Variants in CLNK observed in about 807,000 individuals in gnomAD.
CLNK encodes the protein cytokine dependent hematopoietic cell linker.
CLNK carries 74 observed loss-of-function variants against 68.6 expected under a neutral mutation model. The observed-to-expected ratio is 1.08, with a 90% CI of 0.89 to 1.31. The LOEUF is 1.31. Among genes scored for constraint, CLNK ranks in the 50% most tolerant of loss-of-function variants. CLNK has a pLI of 0.00. For missense variants in CLNK, 553 were observed against 515.3 expected (o/e 1.07, Z -0.71); for synonymous variants, 198 against 172.2 (o/e 1.15, Z -1.17).
intron 2 of CLNK, among the ~76,000 whole-genome samples, chr4:10,638,723 CT>C (rs750788396): frequency 7.2e-5 from 11 of 152,166 alleles, no homozygotes; most frequent in Non-Finnish European, 1.3e-4. Flanking sequence ...TATTAGTTTG[CT>C]TGGGCTTGCC....
In CLNK at chr4:10,501,430, C is replaced by T; in HGVS notation, c.985-19G>A. The stretch of plus-strand genomic sequence containing the variant: ...TACCATCCTGAAGCAAAAAGAGTAA[C>T]AGTCATCTTTTCAGACACGCCAGCA... On this transcript the variant is annotated intron_variant, in intron 17 of 18. Transcript: ENST00000226951. The T allele has an allele frequency of 6.2e-7, 1 of 1,603,054 alleles. No homozygotes were observed. The highest frequency in any genetic ancestry group is 2.2e-5 in the East Asian group (1 of 44,470).
At chr4:10,641,377 C>T (rs1195450042) in intron 2 of CLNK, among the ~76,000 whole-genome samples, 1 of 152,080 alleles carries the variant, frequency 6.6e-6, no homozygotes, top group Non-Finnish European at 1.5e-5. Flanking sequence ...TCTGGGTCTG[C>T]ACTAAGGATG....
chr4:10,636,852 TC>T (rs1431943598), intron 2 of CLNK, among the ~76,000 whole-genome samples: 3 of 151,924 alleles, frequency 2.0e-5, no homozygotes, highest in Admixed American at 6.6e-5. Context: ...GTAGGGGAGG[TC>T]TTTTAAGTCT....
chr4:10,519,151 AACCTTGTT>A lies in CLNK; in HGVS notation c.772+1632_772+1639del, dbSNP rs1717958858. Reference sequence around the variant, plus strand: ...CCATCCATCCCAGGCTTCTTTCAGCAACCTTGTTTCCTCTGAGATGAAGTGAGATGAGC... The same window carrying A: ...CCATCCATCCCAGGCTTCTTTCAGCATCCTCTGAGATGAAGTGAGATGAGC... On this transcript the variant is annotated intron_variant, in intron 15 of 18. Coordinates refer to ENST00000226951, the MANE Select transcript of CLNK (RefSeq NM_052964.4). 2.6e-5 allele frequency among the ~76,000 whole-genome samples: 4 copies of A among 152,266 alleles called. No homozygotes were observed. In the South Asian group the frequency reaches 8.3e-4, roughly 32 times the overall value.
chr4:10,616,790 G>GTGTATATATATATA (rs1369047138), intron 2 of CLNK, among the ~76,000 whole-genome samples: 32 of 64,376 alleles, frequency 5.0e-4, no homozygotes, highest in African/African-American at 1.1e-3. Flanking sequence ...GTGTGTGTGT[G>GTGTATATATATATA]TATATATATA....
At chr4:10,730,181 C>G in the CLNK span, among the ~76,000 whole-genome samples, 1 of 152,188 alleles carries the variant, frequency 6.6e-6, no homozygotes, top group Non-Finnish European at 1.5e-5. Context: ...TCTGCATAGC[C>G]ACCATCTGCG....
At chr4:10,593,603 G>C (rs911050386) in intron 3 of CLNK, among the ~76,000 whole-genome samples, 1 of 152,160 alleles carries the variant, frequency 6.6e-6, no homozygotes, top group African/African-American at 2.4e-5. Context: ...GCAGTGAGCT[G>C]AGATAGCACC....
chr4:10,557,368 A>G (rs4698068), intron 8 of CLNK, among the ~76,000 whole-genome samples: 40,391 of 151,998 alleles, frequency 0.27, 5,668 homozygotes, highest in African/African-American at 0.36. Flanking sequence ...GCCATTGGGA[A>G]GCCCCAACAG....
intron 17 of CLNK, among the ~76,000 whole-genome samples, chr4:10,505,931 T>C (rs1376613092): frequency 6.6e-6 from 1 of 152,224 alleles, no homozygotes; most frequent in Non-Finnish European, 1.5e-5. Context: ...ACAACATCAA[T>C]TCTGAGAGCT....
chr4:10,600,750 G>A (rs907570259), intron 2 of CLNK, among the ~76,000 whole-genome samples: 3 of 152,248 alleles, frequency 2.0e-5, no homozygotes, highest in African/African-American at 7.2e-5. Flanking sequence ...ACTGGACAGA[G>A]TCCTTTGAAT....
intron 2 of CLNK, among the ~76,000 whole-genome samples, chr4:10,648,180 T>C (rs1345036300): frequency 6.6e-6 from 1 of 152,222 alleles, no homozygotes; most frequent in African/African-American, 2.4e-5. Flanking sequence ...ATACCTCATA[T>C]TTATAGTCCT....
At chr4:10,614,259 C>T (rs901754516) in intron 2 of CLNK, among the ~76,000 whole-genome samples, 2 of 152,144 alleles carry the variant, frequency 1.3e-5, no homozygotes, top group African/African-American at 2.4e-5. Context: ...GTAACTAGCA[C>T]GTTGATGAGT....
chr4:10,553,841 T>G (rs1431234163), intron 8 of CLNK, among the ~76,000 whole-genome samples: 1 of 152,218 alleles, frequency 6.6e-6, no homozygotes, highest in African/African-American at 2.4e-5. Context: ...TCATTCATTG[T>G]GTCTTACAGC....
At chr4:10,732,360 G>A in the CLNK span, among the ~76,000 whole-genome samples, 3 of 152,248 alleles carry the variant, frequency 2.0e-5, no homozygotes, top group Admixed American at 2.0e-4. Flanking sequence ...AAGGCCCTGT[G>A]GTGAGAGAGA....
chr4:10,718,525 G>A, the CLNK span, among the ~76,000 whole-genome samples: 2 of 151,682 alleles, frequency 1.3e-5, no homozygotes, highest in African/African-American at 4.8e-5. Context: ...TAACTGTAAA[G>A]CCAGCATTTT....
chr4:10,502,790 G>A (rs1717108133), intron 17 of CLNK, among the ~76,000 whole-genome samples: 1 of 151,974 alleles, frequency 6.6e-6, no homozygotes, highest in South Asian at 2.1e-4. Context: ...ATGTTGAGGT[G>A]AGGGCCAGTA....
At chr4:10,591,594 C>T (rs1219480871) in intron 3 of CLNK, among the ~76,000 whole-genome samples, 1 of 152,204 alleles carries the variant, frequency 6.6e-6, no homozygotes, top group Non-Finnish European at 1.5e-5. Context: ...TGAGACGGGC[C>T]AGAGATACAC....
At chr4:10,668,343 C>T (rs1425539743) in intron 1 of CLNK, among the ~76,000 whole-genome samples, 3 of 152,142 alleles carry the variant, frequency 2.0e-5, no homozygotes, top group Admixed American at 6.5e-5. Context: ...TATCACTTTA[C>T]GTAGAATGCA....
At chr4:10,598,329 C>T (rs982198220) in intron 2 of CLNK, among the ~76,000 whole-genome samples, 3 of 152,146 alleles carry the variant, frequency 2.0e-5, no homozygotes, top group Non-Finnish European at 4.4e-5. Flanking sequence ...TGTGGGCTGC[C>T]TCTCCCTCAT....
Sources: gnomAD v4.1 joint callset for allele counts (sites outside exome capture counted in the v4.1 genomes callset) on GRCh38, gnomAD v4.1.1 for gene constraint, MANE v1.5 for transcripts, NCBI Gene and HGNC (gene_info 2026-07-23, HGNC 2026-07-21) for gene names.